Variants in KLHL40 observed in about 807,000 individuals in gnomAD.
KLHL40 encodes the protein kelch-like protein 40.
Under a neutral mutation model 49.7 loss-of-function variants are expected in KLHL40, and 44 were observed. That is an observed-to-expected ratio of 0.89 (90% CI 0.70 to 1.14). The LOEUF (loss-of-function observed/expected upper bound fraction) is 1.14. Ranked by LOEUF, KLHL40 falls within the 50% of genes most tolerant of loss-of-function variation. The pLI is 0.00. For missense variants in KLHL40, 892 were observed against 850.3 expected, an observed-to-expected ratio of 1.05 and a Z score of -0.61; for synonymous variants, 409 against 365.2, an observed-to-expected ratio of 1.12 and a Z score of -1.37.
At position 42,685,872 on chromosome 3, in the gene KLHL40, T is replaced by A; in HGVS notation, c.254T>A (p.Val85Glu). 1 of 1,612,802 alleles carries A rather than the reference T, an allele frequency of 6.2e-7. No homozygotes were observed. Among genetic ancestry groups the A allele is most frequent in the Non-Finnish European group, 8.5e-7 (1 of 1,179,974 alleles). Residue 85 changes from valine to glutamate, a missense_variant, in exon 1 of 6, where the codon GTG becomes GAG. By Grantham distance (121) the Val-to-Glu change is moderately radical. Transcript: ENST00000287777. The part of the protein sequence containing the change: ...EEVSPDVVAQ[V>E]LHYLYTSEIA... ...GTGTCCCCGGACGTGGTGGCCCAGG[T>A]GCTGCACTACCTGTACACATCAGAG...
Position 42,691,920 on chromosome 3 carries a change from G to C in KLHL40, c.1793G>C (p.Arg598Pro), listed in dbSNP as rs775821505. 1 of 1,613,728 alleles carries C rather than the reference G, an allele frequency of 6.2e-7. No homozygotes were observed. Among genetic ancestry groups the C allele is most frequent in the Admixed American group, 1.7e-5 (1 of 60,014 alleles). ...EEEKKWEGVL[R>P]EIAYAAGATF... ...GAGAAGAAATGGGAGGGTGTCCTGC[G>C]GGAGATCGCCTATGCAGCAGGTGCC... The change falls in exon 6 of 6, where the codon CGG becomes CCG. Residue 598 changes from arginine to proline, a missense_variant. By Grantham distance (103) the Arg-to-Pro change is moderately radical (BLOSUM62 -2). Transcript: ENST00000287777.
intron 4 of KLHL40, 46 bp from the exon 5 acceptor site, chr3:42,690,813 G>T: frequency 6.5e-7 from 1 of 1,545,194 alleles, no homozygotes; most frequent in Non-Finnish European, 8.7e-7. Context: ...ACAGTCACTG[G>T]GCTTGCCGAG....
chr3:42,685,581 C>A lies in KLHL40; in HGVS notation c.-38C>A, dbSNP rs1158848496. On this transcript the variant is annotated 5_prime_UTR_variant, in exon 1 of 6. Transcript: ENST00000287777. The stretch of plus-strand genomic sequence containing the variant: ...AGGAAAGCAGGGGTACAGAGAGGAG[C>A]CCCCTTGGCACCGCCACCGCACCCT... 2 of 1,522,714 alleles carry A rather than the reference C, an allele frequency of 1.3e-6. No individual in the cohort carries two copies. The highest frequency in any genetic ancestry group is 2.5e-5 in the South Asian group (2 of 78,910). The allele number at this position is 1,522,714 out of a possible 1,614,324, so 94.3% of individuals were successfully genotyped here. A position where few individuals can be genotyped will look rare whatever the true frequency, so the allele number is the denominator to read the frequency against.
At chr3:42,691,485 C>T (rs927754428) in intron 5 of KLHL40, among the ~76,000 whole-genome samples, 1 of 152,024 alleles carries the variant, frequency 6.6e-6, no homozygotes, top group Non-Finnish European at 1.5e-5. Flanking sequence ...GAACCTGCAG[C>T]CATCTGCACT....
Position 42,685,883 on chromosome 3 carries a change from C to T in KLHL40, c.265C>T (p.Leu89=). ...PDVVAQVLHY[L]YTSEIALDEA... ...CGTGGTGGCCCAGGTGCTGCACTAC[C>T]TGTACACATCAGAGATCGCGCTGGA... Residue 89 remains leucine (L), a synonymous_variant, in exon 1 of 6, where the codon CTG becomes TTG. Transcript: ENST00000287777. 1 of 1,612,688 alleles carries T rather than the reference C, an allele frequency of 6.2e-7. No individual in the cohort carries two copies. Among genetic ancestry groups the T allele is most frequent in the African/African-American group, 1.3e-5 (1 of 75,066 alleles).
rs1697383605 is a variant in KLHL40, at chr3:42,692,208, C to G, written c.*215C>G. On this transcript the variant is annotated 3_prime_UTR_variant, in exon 6 of 6. Transcript: ENST00000287777. ...GAAACTAGAGGCTTCTCCAGTGTTG[C>G]CATATCCCCCTAGGTTGTCTTGATC... is the stretch of plus-strand genomic sequence containing the variant. 2 of 555,308 alleles carry G rather than the reference C, an allele frequency of 3.6e-6. No homozygotes were observed. Among genetic ancestry groups the G allele is most frequent in the Admixed American group, 3.0e-5 (1 of 32,912 alleles). 34.4% of individuals were successfully genotyped at this position (555,308 alleles called of 1,614,324 possible).
In KLHL40 at chr3:42,689,005, G is replaced by A. The variant is rs755836871; in HGVS notation, c.1558G>A (p.Asp520Asn). The change falls in exon 4 of 6, where the codon GAC (aspartate) becomes AAC (asparagine). Residue 520 changes from aspartate (D) to asparagine (N), a missense_variant. Asp to Asn is a conservative substitution (Grantham distance 23, BLOSUM62 1). Coordinates refer to ENST00000287777, the MANE Select transcript of KLHL40 (RefSeq NM_152393.4). ...GRIIVAAGVT[D>N]TGLTSSAEVY... ...CATTATCGTGGCAGCTGGGGTCACC[G>A]ACACAGGGCTGACCAGTTCTGCCGA... is the stretch of plus-strand genomic sequence containing the variant. 3.6e-5 allele frequency: 58 copies of A among 1,614,004 alleles called. No individual in the cohort carries two copies. Among genetic ancestry groups the A allele is most frequent in the Non-Finnish European group, 4.7e-5 (56 of 1,180,012 alleles).
rs761258938 is a variant in KLHL40, at chr3:42,689,014, C to T, written c.1567C>T (p.Leu523=). The change falls in exon 4 of 6, where the codon CTG becomes TTG. Residue 523 remains leucine (L), a synonymous_variant. Transcript: ENST00000287777. ...GGCAGCTGGGGTCACCGACACAGGGCTGACCAGTTCTGCCGAAGTGTACAG... is the reference window on the plus strand; with the variant it reads ...GGCAGCTGGGGTCACCGACACAGGGTTGACCAGTTCTGCCGAAGTGTACAG... The part of the protein sequence containing the change: ...IVAAGVTDTG[L]TSSAEVYSIT... The T allele has an allele frequency of 1.2e-5, 19 of 1,614,002 alleles. 1 individual carries two copies. The Middle Eastern group carries it at 1.3e-3, about 112-fold the overall frequency.
intron 4 of KLHL40, among the ~76,000 whole-genome samples, chr3:42,690,216 G>A (rs1301963023): frequency 6.6e-6 from 1 of 152,162 alleles, no homozygotes; most frequent in Non-Finnish European, 1.5e-5. Flanking sequence ...GGGAGGAGCT[G>A]AGGTCCAAGC....
Position 42,689,026 on chromosome 3 carries a change from G to C in KLHL40, c.1579G>C (p.Ala527Pro). 1 of 1,614,024 alleles carries C rather than the reference G, an allele frequency of 6.2e-7. No homozygotes were observed. Among genetic ancestry groups the C allele is most frequent in the South Asian group, 1.1e-5 (1 of 91,062 alleles). The change falls in exon 4 of 6, where the codon GCC (alanine) becomes CCC (proline). Residue 527 changes from alanine (A) to proline (P), a missense_variant. Ala to Pro is a conservative substitution (Grantham distance 27). Transcript: ENST00000287777. Reference protein sequence around the residue: ...GVTDTGLTSSAEVYSITDNKW... With the variant: ...GVTDTGLTSSPEVYSITDNKW... ...CACCGACACAGGGCTGACCAGTTCT[G>C]CCGAAGTGTACAGCATCACAGACAA...
chr3:42,690,831 A>T (rs372099020), intron 4 of KLHL40, 28 bp from the exon 5 acceptor site: 1 of 1,562,608 alleles, frequency 6.4e-7, no homozygotes, highest in African/African-American at 1.4e-5. Flanking sequence ...GAGGCATCCC[A>T]ATGATGCACC....
chr3:42,688,762 T>TGCAAA lies in KLHL40; in HGVS notation c.1421+45_1421+46insGCAAA, dbSNP rs748755721. 2 of 1,588,960 alleles carry TGCAAA rather than the reference T, an allele frequency of 1.3e-6. No homozygotes were observed. Among genetic ancestry groups the TGCAAA allele is most frequent in the Non-Finnish European group, 1.7e-6 (2 of 1,157,374 alleles). On this transcript the variant is annotated intron_variant, in intron 3 of 5. Transcript: ENST00000287777. The surrounding 1 kb of genome is among the most constrained non-coding windows in gnomAD (Gnocchi z 4.2). ...GAGTCTGTGGAGCAGAGGTAGAATC[T>TGCAAA]CCCAGAGGCTGTCAGGGGTTTGTCC...
At position 42,685,966 on chromosome 3, in the gene KLHL40, C is replaced by T. The variant is rs768735358; in HGVS notation, c.348C>T (p.Ile116=). 2 of 1,611,964 alleles carry T rather than the reference C, an allele frequency of 1.2e-6. No homozygotes were observed. The highest frequency in any genetic ancestry group is 1.7e-6 in the Non-Finnish European group (2 of 1,179,966). Residue 116 remains isoleucine, a synonymous_variant, in exon 1 of 6, where the codon ATC becomes ATT. Transcript: ENST00000287777. Reference sequence around the variant, plus strand: ...CACACCGCTTCCAGATCCCTTCCATCTTCACCATCTGCGTGTCCTTCCTGC... The same window carrying T: ...CACACCGCTTCCAGATCCCTTCCATTTTCACCATCTGCGTGTCCTTCCTGC... ...AAAHRFQIPS[I]FTICVSFLQK...
rs770413516 is a variant in KLHL40 at position 42,688,185 on chromosome 3, C to T, written c.1196C>T (p.Pro399Leu). 2 of 1,613,806 alleles carry T rather than the reference C, an allele frequency of 1.2e-6. No homozygotes were observed. The highest frequency in any genetic ancestry group is 1.7e-6 in the Non-Finnish European group (2 of 1,180,012). The change falls in exon 2 of 6, where the codon CCC (proline) becomes CTC (leucine). Residue 399 changes from proline (P) to leucine (L), a missense_variant. Coordinates refer to ENST00000287777, the MANE Select transcript of KLHL40 (RefSeq NM_152393.4). The surrounding 1 kb of genome is among the most constrained non-coding windows in gnomAD (Gnocchi z 4.2). ...DSEWLGMPPLPSPRCLFGLGE... is the reference protein window; with the variant it reads ...DSEWLGMPPLLSPRCLFGLGE... The stretch of plus-strand genomic sequence containing the variant: ...GAGTGGCTGGGGATGCCACCGCTGC[C>T]CTCGCCCCGCTGCCTCTTTGGCCTG...
chr3:42,688,419 TGG>T lies in KLHL40; in HGVS notation c.1313+119_1313+120del, dbSNP rs1194659157. On this transcript the variant is annotated intron_variant, in intron 2 of 5. Coordinates refer to ENST00000287777, the MANE Select transcript of KLHL40 (RefSeq NM_152393.4). The surrounding 1 kb of genome is among the most constrained non-coding windows in gnomAD (Gnocchi z 4.2). ...TAGAGCCTTGTGCTTAGAGTGAAGG[TGG>T]GCTTGGGTAAGGGCGGGGAGGTTGG... 4 of 785,066 alleles carry T rather than the reference TGG, an allele frequency of 5.1e-6. No individual in the cohort carries two copies. In the East Asian group the frequency reaches 1.3e-4, roughly 26 times the overall value. The allele number at this position is 785,066 out of a possible 1,614,324, so 48.6% of individuals were successfully genotyped here. A position where few individuals can be genotyped will look rare whatever the true frequency, so the allele number is the denominator to read the frequency against.
chr3:42,687,769 T>A (rs1697297473), intron 1 of KLHL40, among the ~76,000 whole-genome samples: 1 of 152,048 alleles, frequency 6.6e-6, no homozygotes, highest in Non-Finnish European at 1.5e-5. Flanking sequence ...GGCAGGGCCG[T>A]ATTTGGAAGT....
In KLHL40 at chr3:42,688,646, C is replaced by G. The variant is rs1486566170; in HGVS notation, c.1350C>G (p.Tyr450Ter). The change falls in exon 3 of 6, where the codon TAC (tyrosine) becomes TAG (stop). Residue 450 changes from tyrosine to a stop codon, truncating the protein, a stop_gained. Coordinates refer to ENST00000287777, the MANE Select transcript of KLHL40 (RefSeq NM_152393.4). LOFTEE classifies it high-confidence loss of function. This position sits in a 1 kb window ranked among gnomAD's most constrained non-coding sequence, Gnocchi z 4.2. ...FKWGESDPLP[Y>*]VVYGHTVLSH... Reference sequence around the variant, plus strand: ...GGGGTGAATCGGACCCGCTGCCTTACGTGGTGTATGGCCACACAGTGCTCT... The same window carrying G: ...GGGGTGAATCGGACCCGCTGCCTTAGGTGGTGTATGGCCACACAGTGCTCT... 8 of 1,613,902 alleles carry G rather than the reference C, an allele frequency of 5.0e-6. No homozygotes were observed. Among genetic ancestry groups the G allele is most frequent in the Non-Finnish European group, 6.8e-6 (8 of 1,180,014 alleles).
In KLHL40 at chr3:42,688,587, A is replaced by G. The variant is rs758469458; in HGVS notation, c.1314-23A>G. On this transcript the variant is annotated intron_variant, in intron 2 of 5. Transcript: ENST00000287777. This position sits in a 1 kb window ranked among gnomAD's most constrained non-coding sequence, Gnocchi z 4.2. Reference sequence around the variant, plus strand: ...CGAGCCTGGATGGGTGCCCTCCCCCACCCCCACTCCCGTCTCCTCCAGGTC... The same window carrying G: ...CGAGCCTGGATGGGTGCCCTCCCCCGCCCCCACTCCCGTCTCCTCCAGGTC... The G allele has an allele frequency of 1.3e-6, 2 of 1,580,384 alleles. No individual in the cohort carries two copies. Among genetic ancestry groups the G allele is most frequent in the Non-Finnish European group, 1.7e-6 (2 of 1,150,908 alleles).
At position 42,688,767 on chromosome 3, in the gene KLHL40, G is replaced by A; in HGVS notation, c.1421+50G>A. 6.3e-7 allele frequency: 1 copy of A among 1,589,858 alleles called. No homozygotes were observed. Among genetic ancestry groups the A allele is most frequent in the East Asian group, 2.2e-5 (1 of 44,726 alleles). The stretch of plus-strand genomic sequence containing the variant: ...TGTGGAGCAGAGGTAGAATCTCCCA[G>A]AGGCTGTCAGGGGTTTGTCCTGGCT... On this transcript the variant is annotated intron_variant, in intron 3 of 5. Coordinates refer to ENST00000287777, the MANE Select transcript of KLHL40 (RefSeq NM_152393.4). This position sits in a 1 kb window ranked among gnomAD's most constrained non-coding sequence, Gnocchi z 4.2.
Sources: allele counts gnomAD v4.1 joint callset (sites outside exome capture counted in the v4.1 genomes callset), GRCh38; gene constraint gnomAD v4.1.1; non-coding constraint Gnocchi (gnomAD v3.1); transcripts MANE v1.5; gene names NCBI Gene and HGNC (gene_info 2026-07-23, HGNC 2026-07-21).